CSMD1: variants seen among roughly 807,000 people sequenced by gnomAD.
CSMD1 encodes CUB and Sushi multiple domains 1.
A neutral mutation model predicts 417.5 loss-of-function variants in CSMD1; 213 were observed. The observed-to-expected ratio is 0.51, with a 90% CI of 0.46 to 0.57. The LOEUF is 0.57. CSMD1 is among the 20% of genes least tolerant of loss of function. CSMD1 has a pLI of 0.00. For synonymous variants in CSMD1, 2,862 were observed against 1,736.8 expected, an observed-to-expected ratio of 1.65 and a Z score of -16.11; for missense variants, 6,923 against 4,529.7, an observed-to-expected ratio of 1.53 and a Z score of -15.17.
chr8:3,535,493 T>C (rs1054443290), intron 10 of CSMD1, among the ~76,000 whole-genome samples: 6 of 152,082 alleles, frequency 3.9e-5, no homozygotes, highest in African/African-American at 1.4e-4. Context: ...GAGCTAAATA[T>C]GTATGCACAT....
At chr8:4,249,001 T>A (rs1377166083) in intron 3 of CSMD1, among the ~76,000 whole-genome samples, 3 of 152,176 alleles carry the variant, frequency 2.0e-5, no homozygotes, top group African/African-American at 7.2e-5. Context: ...CACTAGACCA[T>A]GTATTTAATG....
At chr8:3,109,285 A>G (rs1378972329) in intron 43 of CSMD1, among the ~76,000 whole-genome samples, 1 of 152,228 alleles carries the variant, frequency 6.6e-6, no homozygotes, top group African/African-American at 2.4e-5. Flanking sequence ...AATTAAAAAA[A>G]TAAAATAAAA....
At chr8:3,170,257 G>C (rs907802298) in intron 37 of CSMD1, among the ~76,000 whole-genome samples, 1 of 152,156 alleles carries the variant, frequency 6.6e-6, no homozygotes, top group Non-Finnish European at 1.5e-5. Flanking sequence ...GCCCAGGCTG[G>C]AGTGCAGTGG....
At chr8:3,521,929 A>G (rs1797526800) in intron 10 of CSMD1, among the ~76,000 whole-genome samples, 1 of 152,220 alleles carries the variant, frequency 6.6e-6, no homozygotes, top group Non-Finnish European at 1.5e-5. Context: ...AATTAAATCC[A>G]TATTCATCAC....
intron 1 of CSMD1, among the ~76,000 whole-genome samples, chr8:4,833,808 A>G (rs1800293760): frequency 1.3e-5 from 2 of 152,188 alleles, no homozygotes; most frequent in South Asian, 2.1e-4. Flanking sequence ...TCAGCTGACT[A>G]AAAGGGAGAC....
intron 7 of CSMD1, among the ~76,000 whole-genome samples, chr8:3,642,876 A>C (rs1292956123): frequency 6.6e-6 from 1 of 151,948 alleles, no homozygotes; most frequent in Admixed American, 6.6e-5. Context: ...ATACATATAT[A>C]TAGATTATAC....
At chr8:4,445,998 G>T (rs762357918) in intron 2 of CSMD1, among the ~76,000 whole-genome samples, 36 of 152,220 alleles carry the variant, frequency 2.4e-4, no homozygotes, top group Non-Finnish European at 4.1e-4. Flanking sequence ...CCTCTTCCCT[G>T]GCAGCACCCT....
At chr8:3,675,834 G>A (rs1384836690) in intron 7 of CSMD1, among the ~76,000 whole-genome samples, 2 of 152,144 alleles carry the variant, frequency 1.3e-5, no homozygotes, top group African/African-American at 2.4e-5. Flanking sequence ...CTAAGCTGGT[G>A]GCATTTCCAC....
chr8:3,165,820 G>A (rs917189061), intron 37 of CSMD1, among the ~76,000 whole-genome samples: 2 of 152,078 alleles, frequency 1.3e-5, no homozygotes, highest in African/African-American at 4.8e-5. Context: ...GAGCACAGGA[G>A]AACTCTGAGC....
intron 58 of CSMD1, 44 bp from the exon 59 acceptor site, chr8:2,965,998 C>A: frequency 6.6e-7 from 1 of 1,505,794 alleles, no homozygotes; most frequent in South Asian, 1.2e-5. Context: ...ATTCATTTAC[C>A]ATGAAATGAA....
chr8:4,561,132 G>C (rs1355377865), intron 2 of CSMD1, among the ~76,000 whole-genome samples: 1 of 152,154 alleles, frequency 6.6e-6, no homozygotes, highest in African/African-American at 2.4e-5. Context: ...AGTAATTTGA[G>C]AGGCCAAGGC....
At chr8:3,221,168 T>G (rs28513420) in intron 28 of CSMD1, among the ~76,000 whole-genome samples, 40,590 of 152,086 alleles carry the variant, frequency 0.27, 5,594 homozygotes, top group East Asian at 0.3. Context: ...GAGAACGTGG[T>G]ACCGCCAGCA....
chr8:4,040,151 T>C (rs1222752597), intron 3 of CSMD1, among the ~76,000 whole-genome samples: 2 of 152,198 alleles, frequency 1.3e-5, no homozygotes, highest in Non-Finnish European at 2.9e-5. Flanking sequence ...GAGTCAAGGC[T>C]ATTAATGAAA....
chr8:4,828,211 T>C (rs1259916832), intron 1 of CSMD1, among the ~76,000 whole-genome samples: 1 of 152,212 alleles, frequency 6.6e-6, no homozygotes, highest in Non-Finnish European at 1.5e-5. Context: ...CTATTGTCAC[T>C]TAATATTCTA....
chr8:4,329,623 T>C (rs140914656), intron 3 of CSMD1, among the ~76,000 whole-genome samples: 7 of 152,186 alleles, frequency 4.6e-5, no homozygotes, highest in African/African-American at 7.2e-5. Flanking sequence ...ACTACTTACA[T>C]GTATGCCCAA....
At chr8:4,092,226 A>G in intron 3 of CSMD1, among the ~76,000 whole-genome samples, 1 of 152,192 alleles carries the variant, frequency 6.6e-6, no homozygotes, top group Non-Finnish European at 1.5e-5. Flanking sequence ...AGGTCATCCT[A>G]GAAAAGGAAG....
chr8:2,964,027 A>G (rs1260987310), intron 59 of CSMD1, among the ~76,000 whole-genome samples: 1 of 152,168 alleles, frequency 6.6e-6, no homozygotes, highest in Non-Finnish European at 1.5e-5. Context: ...ACGAGAGATC[A>G]CCTTCCCCAC....
At chr8:4,156,726 G>A (rs751200377) in intron 3 of CSMD1, among the ~76,000 whole-genome samples, 2 of 152,102 alleles carry the variant, frequency 1.3e-5, no homozygotes, top group Admixed American at 6.6e-5. Context: ...AGTTTGCAGT[G>A]GGGCCAGTGA....
intron 3 of CSMD1, among the ~76,000 whole-genome samples, chr8:4,269,007 A>G (rs1053251519): frequency 6.6e-6 from 1 of 152,214 alleles, no homozygotes; most frequent in African/African-American, 2.4e-5. Flanking sequence ...TCCTGATTGC[A>G]AAGTAAAATA....
Sources: gnomAD v4.1 joint callset for allele counts (sites outside exome capture counted in the v4.1 genomes callset) on GRCh38, gnomAD v4.1.1 for gene constraint, MANE v1.5 for transcripts, NCBI Gene and HGNC (gene_info 2026-07-23, HGNC 2026-07-21) for gene names.